Variants in TXNDC9 observed in about 807,000 individuals in gnomAD.
TXNDC9 encodes thioredoxin domain-containing protein 9.
In TXNDC9, 7 loss-of-function variants were observed where a neutral mutation model predicts 23.0. The observed-to-expected ratio is 0.30, with a 90% CI of 0.17 to 0.57. The LOEUF is 0.57. TXNDC9 is among the 20% of genes least tolerant of loss of function. The probability of loss-of-function intolerance (pLI) is 0.90; values close to 1 mark genes in which losing one functional copy is unlikely to be tolerated. For synonymous variants in TXNDC9, 72 were observed against 90.6 expected (o/e 0.79, Z 1.17); for missense variants, 198 against 252.6 (o/e 0.78, Z 1.47).
rs1001989837 is a variant in TXNDC9, at chr2:99,319,470, C to G, written c.*212G>C. On this transcript the variant is annotated 3_prime_UTR_variant, in exon 5 of 5. Coordinates refer to ENST00000264255, the MANE Select transcript of TXNDC9 (RefSeq NM_005783.4). ...ATCTCAAAAATAGAGAATCCAGACCCTTCCCAGATAATTTAAGAACTGAGT... is the reference window on the plus strand; with the variant it reads ...ATCTCAAAAATAGAGAATCCAGACCGTTCCCAGATAATTTAAGAACTGAGT... 2.3e-6 allele frequency: 1 copy of G among 437,870 alleles called. No homozygotes were observed. The highest frequency in any genetic ancestry group is 4.0e-6 in the Non-Finnish European group (1 of 250,300). The allele number at this position is 437,870 out of a possible 1,614,324, so 27.1% of individuals were successfully genotyped here.
At chr2:99,318,232 A>G (rs561642057), downstream of TXNDC9, among the ~76,000 whole-genome samples, 31 of 151,668 alleles carry the variant, frequency 2.0e-4, no homozygotes, top group African/African-American at 7.5e-4. Context: ...GCTTGTTGCC[A>G]TCAGGGAGCT....
intron 2 of TXNDC9, chr2:99,332,812 C>T (rs1225120474): frequency 4.9e-5 from 24 of 492,914 alleles, no homozygotes; most frequent in Non-Finnish European, 8.2e-5. Flanking sequence ...CTTTCTTTTA[C>T]TCGACTGTGG....
In TXNDC9 at chr2:99,336,090, C is replaced by T. The variant is rs559546008; in HGVS notation, c.-33+149G>A. On this transcript the variant is annotated intron_variant, in intron 1 of 4. Coordinates refer to ENST00000264255, the MANE Select transcript of TXNDC9 (RefSeq NM_005783.4). ...GTCCCGGTGGCCCCAACTTCGACGC[C>T]TCCTGGTGCGCTTGCGCAAGAGCCT... 1.6e-5 allele frequency: 11 copies of T among 700,870 alleles called. No homozygotes were observed. In the South Asian group the frequency reaches 5.1e-4, roughly 32 times the overall value. The allele number at this position is 700,870 out of a possible 1,614,324, so 43.4% of individuals were successfully genotyped here.
At chr2:99,306,378 C>T in the TXNDC9 span, among the ~76,000 whole-genome samples, 1 of 151,544 alleles carries the variant, frequency 6.6e-6, no homozygotes, top group East Asian at 2.0e-4. Context: ...CATGGTGGCT[C>T]ATAGCACAAG....
chr2:99,326,430 G>A (rs542483030), intron 3 of TXNDC9, among the ~76,000 whole-genome samples: 1 of 152,320 alleles, frequency 6.6e-6, no homozygotes, highest in East Asian at 1.9e-4. Context: ...GTCTGTCCTG[G>A]GTAGGCAGGT....
the TXNDC9 span, among the ~76,000 whole-genome samples, chr2:99,312,313 T>C: frequency 6.6e-6 from 1 of 152,076 alleles, no homozygotes; most frequent in African/African-American, 2.4e-5. Flanking sequence ...TTGGCAAATA[T>C]GGTGAAACCC....
chr2:99,327,805 A>AGACG (rs2105323602), intron 2 of TXNDC9, 152 bp from the exon 3 acceptor site: 1 of 488,692 alleles, frequency 2.0e-6, no homozygotes, highest in East Asian at 3.9e-5. Flanking sequence ...TTTTTTTTTG[A>AGACG]GACGGAGTCT....
At chr2:99,333,510 A>G (rs2094230848) in intron 1 of TXNDC9, among the ~76,000 whole-genome samples, 1 of 152,244 alleles carries the variant, frequency 6.6e-6, no homozygotes, top group South Asian at 2.1e-4. Flanking sequence ...TAAAGCCAAG[A>G]CAAGTCTTTA....
chr2:99,334,213 C>T (rs1418345408), intron 1 of TXNDC9, among the ~76,000 whole-genome samples: 3 of 152,034 alleles, frequency 2.0e-5, no homozygotes, highest in Non-Finnish European at 4.4e-5. Context: ...TGGCCAGGCC[C>T]GGTGGTGTGT....
chr2:99,307,815 G>A, the TXNDC9 span, among the ~76,000 whole-genome samples: 27 of 145,808 alleles, frequency 1.9e-4, no homozygotes, highest in South Asian at 6.9e-4. Context: ...CAAATGCGAC[G>A]TCATATTTGT....
At chr2:99,322,347 C>A in intron 3 of TXNDC9, 138 bp from the exon 4 acceptor site, 1 of 1,294,726 alleles carries the variant, frequency 7.7e-7, no homozygotes, top group Admixed American at 2.9e-5. Flanking sequence ...AAACTTGTGT[C>A]AGATGACCTC....
At chr2:99,308,652 A>G in the TXNDC9 span, among the ~76,000 whole-genome samples, 1 of 152,036 alleles carries the variant, frequency 6.6e-6, no homozygotes, top group Non-Finnish European at 1.5e-5. Flanking sequence ...GAGGATGAGT[A>G]CGATGTGATT....
chr2:99,327,254 T>C lies in TXNDC9; in HGVS notation c.308+281A>G, dbSNP rs145971787. Among the ~76,000 whole-genome samples the C allele has an allele frequency of 8.2e-3, 1,242 of 152,186 alleles. 5 individuals are homozygous for C. The highest frequency in any genetic ancestry group is 0.019 in the South Asian group (90 of 4,812). ...CACCCGGCTAATTTTGTAGTTTTAGTAGAGGCAGGGTTTCGCCATGTTGGC... is the reference window on the plus strand; with the variant it reads ...CACCCGGCTAATTTTGTAGTTTTAGCAGAGGCAGGGTTTCGCCATGTTGGC... On this transcript the variant is annotated intron_variant, in intron 3 of 4. Transcript: ENST00000264255.
At chr2:99,327,897 G>A (rs1441028064) in intron 2 of TXNDC9, among the ~76,000 whole-genome samples, 1 of 150,338 alleles carries the variant, frequency 6.7e-6, no homozygotes, top group East Asian at 2.0e-4. Flanking sequence ...CAATTCTCCT[G>A]CTTCAGCCTC....
chr2:99,316,729 G>C (rs2094189834), downstream of TXNDC9, among the ~76,000 whole-genome samples: 1 of 151,892 alleles, frequency 6.6e-6, no homozygotes, highest in Non-Finnish European at 1.5e-5. Flanking sequence ...TTGAACTCTA[G>C]AATTTCTATT....
chr2:99,329,181 G>A (rs1368027834), intron 2 of TXNDC9, among the ~76,000 whole-genome samples: 1 of 152,074 alleles, frequency 6.6e-6, no homozygotes, highest in East Asian at 1.9e-4. Context: ...CCATAATTCT[G>A]GTCTGTGGAT....
At chr2:99,306,400 C>T in the TXNDC9 span, among the ~76,000 whole-genome samples, 1,654 of 152,300 alleles carry the variant, frequency 0.011, 8 homozygotes, top group Middle Eastern at 0.024. Flanking sequence ...TTCTGAGACA[C>T]AGCCCCTGTC....
chr2:99,314,673 G>GTAGTA (rs2094184533), downstream of TXNDC9, among the ~76,000 whole-genome samples: 1 of 151,124 alleles, frequency 6.6e-6, no homozygotes, highest in South Asian at 2.1e-4. Flanking sequence ...TGGTACTACA[G>GTAGTA]GCGCATGCCA....
At chr2:99,322,717 G>A in intron 3 of TXNDC9, 3 of 1,434,306 alleles carry the variant, frequency 2.1e-6, no homozygotes, top group Non-Finnish European at 2.7e-6. Context: ...AATAAATGTG[G>A]CCATTATGCT....
Sources: allele counts gnomAD v4.1 joint callset (sites outside exome capture counted in the v4.1 genomes callset), GRCh38; gene constraint gnomAD v4.1.1; transcripts MANE v1.5; gene names NCBI Gene and HGNC (gene_info 2026-07-23, HGNC 2026-07-21).